NKAIN3: variants seen among roughly 807,000 people sequenced by gnomAD.
NKAIN3 encodes the protein sodium/potassium transporting ATPase interacting 3.
Under a neutral mutation model 30.2 loss-of-function variants are expected in NKAIN3, and 25 were observed. That is an observed-to-expected ratio of 0.83 (90% CI 0.60 to 1.16). The LOEUF is 1.16. NKAIN3 is among the 50% of genes most tolerant of loss of function. NKAIN3 has a pLI of 0.00. For synonymous variants in NKAIN3, 91 were observed against 89.6 expected, an observed-to-expected ratio of 1.02 and a Z score of -0.09; for missense variants, 225 against 254.1, an observed-to-expected ratio of 0.89 and a Z score of 0.78.
At chr8:62,719,753 CTTTT>C (rs60637445) in intron 3 of NKAIN3, among the ~76,000 whole-genome samples, 3 of 90,442 alleles carry the variant, frequency 3.3e-5, no homozygotes, top group Non-Finnish European at 2.2e-5. Context: ...ACATTTCTTT[CTTTT>C]TTTTTTTTTT....
intron 1 of NKAIN3, among the ~76,000 whole-genome samples, chr8:62,403,284 A>G (rs1309504669): frequency 6.6e-6 from 1 of 152,228 alleles, no homozygotes; most frequent in African/African-American, 2.4e-5. Flanking sequence ...ATAGAAAAGA[A>G]AAACTCATTT....
At chr8:62,331,804 A>G (rs1219420122) in intron 1 of NKAIN3, among the ~76,000 whole-genome samples, 1 of 152,164 alleles carries the variant, frequency 6.6e-6, no homozygotes, top group Admixed American at 6.6e-5. Context: ...TTGTTTGTGC[A>G]AGACCAATCA....
At chr8:62,456,846 A>T (rs563468854) in intron 1 of NKAIN3, among the ~76,000 whole-genome samples, 14 of 152,262 alleles carry the variant, frequency 9.2e-5, no homozygotes, top group Non-Finnish European at 1.0e-4. Context: ...TAATGCACCC[A>T]GCCTTCGTTA....
At chr8:62,760,992 C>T (rs957278651) in intron 4 of NKAIN3, among the ~76,000 whole-genome samples, 3 of 152,138 alleles carry the variant, frequency 2.0e-5, no homozygotes, top group East Asian at 1.9e-4. Flanking sequence ...TAGCACTTTA[C>T]ATCTACTGCA....
chr8:62,357,173 C>T (rs974373210), intron 1 of NKAIN3, among the ~76,000 whole-genome samples: 1 of 151,616 alleles, frequency 6.6e-6, no homozygotes, highest in African/African-American at 2.4e-5. Context: ...ACCTATAATC[C>T]CAATGATTTG....
At chr8:62,478,081 A>G (rs1241195236) in intron 1 of NKAIN3, among the ~76,000 whole-genome samples, 2 of 152,154 alleles carry the variant, frequency 1.3e-5, no homozygotes, top group Non-Finnish European at 2.9e-5. Flanking sequence ...CCAAATCCTC[A>G]TCTCCAAAAA....
chr8:62,401,013 T>TCTCTCTCTCTCTC (rs1803847170), intron 1 of NKAIN3, among the ~76,000 whole-genome samples: 2 of 143,736 alleles, frequency 1.4e-5, no homozygotes, highest in Non-Finnish European at 3.0e-5. Flanking sequence ...CTTTCTACCT[T>TCTCTCTCTCTCTC]TCTCTCACTC....
chr8:62,895,258 G>A (rs957117908), intron 4 of NKAIN3, among the ~76,000 whole-genome samples: 5 of 152,150 alleles, frequency 3.3e-5, no homozygotes, highest in African/African-American at 1.2e-4. Context: ...TTAGATTTCA[G>A]TGGTACCAAA....
chr8:62,687,700 T>G (rs543124808), intron 3 of NKAIN3, among the ~76,000 whole-genome samples: 12 of 152,320 alleles, frequency 7.9e-5, no homozygotes, highest in South Asian at 4.1e-4. Flanking sequence ...CCATATTTCA[T>G]TCATCTAATT....
At chr8:62,506,610 GACTAC>G (rs1488582333) in intron 1 of NKAIN3, among the ~76,000 whole-genome samples, 1 of 151,458 alleles carries the variant, frequency 6.6e-6, no homozygotes, top group Non-Finnish European at 1.5e-5. Flanking sequence ...GAGTAGCTGG[GACTAC>G]AGGCACATAC....
chr8:62,853,927 TC>T (rs1202173425), intron 4 of NKAIN3, among the ~76,000 whole-genome samples: 1 of 152,234 alleles, frequency 6.6e-6, no homozygotes, highest in Non-Finnish European at 1.5e-5. Context: ...TCAAAGAACT[TC>T]TTGATTTCTG....
chr8:62,544,403 C>T (rs1028644548), intron 1 of NKAIN3, among the ~76,000 whole-genome samples: 25 of 152,154 alleles, frequency 1.6e-4, no homozygotes, highest in African/African-American at 6.0e-4. Flanking sequence ...TGCAATAATA[C>T]ATGTTTACTA....
At chr8:62,357,363 G>A (rs1816394951) in intron 1 of NKAIN3, among the ~76,000 whole-genome samples, 1 of 151,966 alleles carries the variant, frequency 6.6e-6, no homozygotes, top group Admixed American at 6.6e-5. Context: ...AGGCTACAGA[G>A]AGATGGTGCC....
chr8:62,535,167 G>A (rs1808616100), intron 1 of NKAIN3, among the ~76,000 whole-genome samples: 1 of 152,054 alleles, frequency 6.6e-6, no homozygotes, highest in Non-Finnish European at 1.5e-5. Context: ...TACACTATTT[G>A]TCTCATTGAA....
At chr8:62,485,419 T>TA (rs551063603) in intron 1 of NKAIN3, among the ~76,000 whole-genome samples, 27 of 152,276 alleles carry the variant, frequency 1.8e-4, no homozygotes, top group South Asian at 1.2e-3. Context: ...TAAATCCTGT[T>TA]AAAAAAACAC....
At chr8:62,428,328 T>C (rs1804882991) in intron 1 of NKAIN3, among the ~76,000 whole-genome samples, 1 of 152,090 alleles carries the variant, frequency 6.6e-6, no homozygotes, top group Middle Eastern at 3.4e-3. Flanking sequence ...CTCTTCAATA[T>C]ATTGATTTCC....
intron 3 of NKAIN3, among the ~76,000 whole-genome samples, chr8:62,629,946 C>T (rs931036528): frequency 5.3e-5 from 8 of 152,064 alleles, no homozygotes; most frequent in African/African-American, 1.9e-4. Flanking sequence ...TGTGGTTTTA[C>T]TTTCCATGGT....
chr8:62,998,280 T>C (rs1287162553), intron 5 of NKAIN3, among the ~76,000 whole-genome samples: 1 of 152,056 alleles, frequency 6.6e-6, no homozygotes, highest in South Asian at 2.1e-4. Flanking sequence ...CTCTTTTTTT[T>C]TCCCCCACAG....
chr8:62,771,531 A>C (rs981818794), intron 4 of NKAIN3, among the ~76,000 whole-genome samples: 1 of 152,112 alleles, frequency 6.6e-6, no homozygotes, highest in African/African-American at 2.4e-5. Context: ...ATCTGGGGAA[A>C]ATATGGAACA....
Sources: gnomAD v4.1 joint callset for allele counts (sites outside exome capture counted in the v4.1 genomes callset) on GRCh38, gnomAD v4.1.1 for gene constraint, MANE v1.5 for transcripts, NCBI Gene and HGNC (gene_info 2026-07-23, HGNC 2026-07-21) for gene names.